FHL1: variants seen among roughly 807,000 people sequenced by gnomAD.
FHL1 encodes four and a half LIM domains 1, also known as four and a half LIM domains protein 1.
Under a neutral mutation model 20.3 loss-of-function variants are expected in FHL1, and 1 was observed. That is an observed-to-expected ratio of 0.05 (90% confidence interval 0.02 to 0.23). The LOEUF is 0.23. Among genes scored for constraint, FHL1 ranks in the 10% least tolerant of loss-of-function variants. The pLI, the probability that FHL1 is intolerant of heterozygous loss-of-function variation, is 1.00. For synonymous variants in FHL1, 82 were observed against 88.9 expected (o/e 0.92, Z 0.44); for missense variants, 177 against 234.0 (o/e 0.76, Z 1.59).
At chrX:136,147,565 C>T (rs1447197304) in exon 1 of FHL1, 3 of 109,901 alleles carry the variant, frequency 2.7e-5, no homozygotes, top group Non-Finnish European at 5.7e-5. Context: ...CGCCGCGCCT[C>T]GGCCTCGGTG....
At chrX:136,196,598 T>A (rs1237267418), upstream of FHL1, among the ~76,000 whole-genome samples, 1 of 111,752 alleles carries the variant, frequency 8.9e-6, no homozygotes, top group Non-Finnish European at 1.9e-5. Flanking sequence ...ATCCCCTTAA[T>A]CTCTATATTC....
At chrX:136,168,836 C>T (rs967868800), upstream of FHL1, among the ~76,000 whole-genome samples, 3 of 111,622 alleles carry the variant, frequency 2.7e-5, no homozygotes, top group African/African-American at 9.8e-5. Context: ...GCCTGTGTGA[C>T]GATCAGCCTG....
intron 1 of FHL1, among the ~76,000 whole-genome samples, chrX:136,153,857 G>A (rs1011052977): frequency 2.7e-5 from 3 of 111,028 alleles, no homozygotes; most frequent in African/African-American, 6.6e-5. Context: ...TTTTCTGAAC[G>A]ACTGCTACAT....
intron 2 of FHL1, among the ~76,000 whole-genome samples, chrX:136,180,333 G>T: frequency 8.9e-6 from 1 of 112,342 alleles, no homozygotes; most frequent in East Asian, 2.8e-4. Context: ...GTTGAGAATA[G>T]TAGGGCAAAA....
In FHL1 at chrX:136,155,328, C is replaced by T. The variant is rs927683333; in HGVS notation, c.-101+7700C>T. Among the ~76,000 whole-genome samples, 8 of 112,002 alleles carry T rather than the reference C, an allele frequency of 7.1e-5. No homozygotes were observed. In the Admixed American group the frequency reaches 7.6e-4, roughly 11 times the overall value. ...CGGGCAGGGAAGCTGATCTCCAGGG[C>T]AGATGTGGAGTGAGAAGAGTTGTTG... On this transcript the variant is annotated intron_variant, in intron 1 of 7. Coordinates refer to the FHL1 transcript ENST00000394155.
At chrX:136,171,639 C>A (rs2072869669) in intron 2 of FHL1, among the ~76,000 whole-genome samples, 1 of 112,276 alleles carries the variant, frequency 8.9e-6, no homozygotes, top group Admixed American at 9.4e-5. Flanking sequence ...GCTTCATCAG[C>A]AGAAAACTTT....
chrX:136,171,155 C>G (rs748801646), intron 2 of FHL1, among the ~76,000 whole-genome samples: 7 of 111,622 alleles, frequency 6.3e-5, no homozygotes, highest in African/African-American at 2.3e-4. Context: ...CTTTCAGCAG[C>G]TTCCCTCTGC....
upstream of FHL1, among the ~76,000 whole-genome samples, chrX:136,166,149 C>T (rs2072703097): frequency 8.9e-6 from 1 of 111,832 alleles, no homozygotes; most frequent in Admixed American, 9.5e-5. Context: ...AATATACCCA[C>T]CATGAGTGCT....
At chrX:136,206,296 C>A in intron 1 of FHL1, 111 bp from the exon 2 acceptor site, 1 of 993,759 alleles carries the variant, frequency 1.0e-6, no homozygotes, top group Non-Finnish European at 1.4e-6. Context: ...GGTCTTGGTC[C>A]TCAGACCCCA....
chrX:136,204,980 TTCTC>T (rs2073804267), intron 1 of FHL1: 1 of 112,572 alleles, frequency 8.9e-6, no homozygotes, highest in East Asian at 2.8e-4. Context: ...CTCTCATTCT[TTCTC>T]TCTAAATTAC....
chrX:136,192,246 G>A (rs1273030067), upstream of FHL1, among the ~76,000 whole-genome samples: 3 of 111,236 alleles, frequency 2.7e-5, no homozygotes, highest in East Asian at 5.6e-4. Context: ...TCATTTGTTC[G>A]GTGTTTTCCT....
In FHL1 at chrX:136,153,336, A is replaced by G. The variant is rs1322327503; in HGVS notation, c.-101+5708A>G. 2.7e-5 allele frequency among the ~76,000 whole-genome samples: 3 copies of G among 110,021 alleles called. No individual in the cohort carries two copies. In the Admixed American group the frequency reaches 2.9e-4, roughly 11 times the overall value. ...GTTTAATTTCATTTGCTTCAATTGG[A>G]AAGGAATTTTAACCACGATTCTCAA... On this transcript the variant is annotated intron_variant, in intron 1 of 7. Coordinates refer to the FHL1 transcript ENST00000394155.
At chrX:136,170,437 C>A (rs779161728) in intron 2 of FHL1, among the ~76,000 whole-genome samples, 1 of 111,332 alleles carries the variant, frequency 9.0e-6, no homozygotes, top group African/African-American at 3.3e-5. Flanking sequence ...ATTGCAAAAT[C>A]TGGTGATAGA....
intron 1 of FHL1, chrX:136,148,158 C>T (rs2072156411): frequency 9.9e-6 from 1 of 100,568 alleles, no homozygotes; most frequent in African/African-American, 3.7e-5. Flanking sequence ...TGGGTCGACT[C>T]CCTTGGTTTT....
At chrX:136,153,856 C>T (rs769449824) in intron 1 of FHL1, among the ~76,000 whole-genome samples, 14 of 111,074 alleles carry the variant, frequency 1.3e-4, no homozygotes, top group African/African-American at 4.3e-4. Context: ...ATTTTCTGAA[C>T]GACTGCTACA....
chrX:136,196,990 C>T (rs1007168410), upstream of FHL1: 4 of 1,034,445 alleles, frequency 3.9e-6, no homozygotes, highest in Admixed American at 9.2e-5. Flanking sequence ...GACATCTGCT[C>T]TCGGTTATTT....
upstream of FHL1, among the ~76,000 whole-genome samples, chrX:136,165,297 G>T (rs186138049): frequency 8.8e-4 from 98 of 111,857 alleles, no homozygotes; most frequent in African/African-American, 3.1e-3. Context: ...AAATTATTTT[G>T]CCGAATGAGA....
upstream of FHL1, among the ~76,000 whole-genome samples, chrX:136,193,154 A>G (rs1009738121): frequency 9.0e-6 from 1 of 111,333 alleles, no homozygotes; most frequent in Non-Finnish European, 1.9e-5. Context: ...GTTTGTTATC[A>G]GCCTCTTGCC....
At position 136,181,741 on chromosome X, in the gene FHL1, C is replaced by A. The variant is rs191591968; in HGVS notation, c.-27+11761C>A. Among the ~76,000 whole-genome samples, 209 of 112,162 alleles carry A rather than the reference C, an allele frequency of 1.9e-3. 1 individual carries two copies. The highest frequency in any genetic ancestry group is 6.6e-3 in the African/African-American group (204 of 30,883). On this transcript the variant is annotated intron_variant, in intron 2 of 6. Coordinates refer to the FHL1 transcript ENST00000394153. ...TGATGTATATTTTATTTTCCCCTAA[C>A]CTTTATTAAGATCTTCAAAGTTGAA...
Sources: allele counts gnomAD v4.1 joint callset (sites outside exome capture counted in the v4.1 genomes callset), GRCh38; gene constraint gnomAD v4.1.1; transcripts MANE v1.5; gene names NCBI Gene and HGNC (gene_info 2026-07-23, HGNC 2026-07-21).